The following UNC5C variants were observed in gnomAD, a reference collection of about 807,000 sequenced individuals.
UNC5C encodes the protein netrin receptor UNC5C.
UNC5C carries 47 observed loss-of-function variants against 99.8 expected under a neutral mutation model. The ratio of observed to expected loss-of-function variants is 0.47; its 90% CI spans 0.37 to 0.60. The LOEUF is 0.60. UNC5C is among the 20% of genes least tolerant of loss of function. The pLI is 0.00. For missense variants in UNC5C, 1,062 were observed against 1,165.9 expected (o/e 0.91, Z 1.30); for synonymous variants, 487 against 452.2 (o/e 1.08, Z -0.98).
intron 1 of UNC5C, among the ~76,000 whole-genome samples, chr4:95,357,113 A>G (rs1193630195): frequency 6.9e-6 from 1 of 145,482 alleles, no homozygotes; most frequent in Non-Finnish European, 1.5e-5. Context: ...TGGACTACTG[A>G]TTTCTTGTTT....
intron 14 of UNC5C, among the ~76,000 whole-genome samples, chr4:95,173,149 A>G (rs1284356559): frequency 8.5e-4 from 129 of 151,478 alleles, no homozygotes; most frequent in African/African-American, 2.7e-3. Context: ...GACTGAGACG[A>G]TGGGGTTTTC....
chr4:95,285,187 A>AT (rs891486730), intron 3 of UNC5C, among the ~76,000 whole-genome samples: 3 of 152,176 alleles, frequency 2.0e-5, no homozygotes, highest in Non-Finnish European at 4.4e-5. Context: ...AGAATAAAAT[A>AT]TTTTTTTCTA....
At chr4:95,389,832 G>T (rs1314999185) in intron 1 of UNC5C, among the ~76,000 whole-genome samples, 1 of 151,822 alleles carries the variant, frequency 6.6e-6, no homozygotes, top group East Asian at 1.9e-4. Flanking sequence ...AAAAATATTA[G>T]TTACATGTTG....
rs72659988 is a variant in UNC5C, at chr4:95,445,944, G to A, written c.124+102790C>T. 2.1e-3 allele frequency among the ~76,000 whole-genome samples: 297 copies of A among 144,448 alleles called. 5 individuals carry two copies. The highest frequency in any genetic ancestry group is 8.5e-4 in the Non-Finnish European group (57 of 66,688). 94.8% of individuals were successfully genotyped at this position (144,448 alleles called of 152,430 possible). A position where few individuals can be genotyped will look rare whatever the true frequency, so the allele number is the denominator to read the frequency against. On this transcript the variant is annotated intron_variant, in intron 1 of 15. Coordinates refer to ENST00000453304, the MANE Select transcript of UNC5C (RefSeq NM_003728.4). Reference sequence around the variant, plus strand: ...ACTTACTAAGAATATCACGTTTCTGGAAGATAACAAAGAGCCTGCAAAAAA... The same window carrying A: ...ACTTACTAAGAATATCACGTTTCTGAAAGATAACAAAGAGCCTGCAAAAAA...
chr4:95,222,143 A>G, intron 7 of UNC5C: 1 of 1,180,188 alleles, frequency 8.5e-7, no homozygotes, highest in Non-Finnish European at 1.2e-6. Context: ...AAGAAAGGTA[A>G]ACTTGAACTA....
In UNC5C at chr4:95,202,899, G is replaced by A. The variant is rs749587753; in HGVS notation, c.1968C>T (p.Ala656=). 5 of 1,614,222 alleles carry A rather than the reference G, an allele frequency of 3.1e-6. No individual in the cohort carries two copies. Among genetic ancestry groups the A allele is most frequent in the Non-Finnish European group, 4.2e-6 (5 of 1,180,044 alleles). ...TPCYIQLDAE[A]CHILTENLST... is the part of the protein sequence containing the mutation. ...TGAGGTTCTCTGTGAGGATGTGGCAGGCCTCTGCATCCAGCTGAATGTAGC... is the reference window on the plus strand; with the variant it reads ...TGAGGTTCTCTGTGAGGATGTGGCAAGCCTCTGCATCCAGCTGAATGTAGC... Residue 656 remains alanine, a synonymous_variant, in exon 12 of 16, where the codon GCC becomes GCT. Coordinates refer to ENST00000453304, the MANE Select transcript of UNC5C (RefSeq NM_003728.4).
At chr4:95,367,661 C>T (rs1164841721) in intron 1 of UNC5C, among the ~76,000 whole-genome samples, 1 of 151,912 alleles carries the variant, frequency 6.6e-6, no homozygotes, top group Admixed American at 6.6e-5. Flanking sequence ...ATTATGTTAC[C>T]TTGATGATAA....
intron 1 of UNC5C, among the ~76,000 whole-genome samples, chr4:95,522,871 C>T (rs2149490799): frequency 6.6e-6 from 1 of 151,756 alleles, no homozygotes; most frequent in East Asian, 1.9e-4. Context: ...ACTCCAAGAT[C>T]TGTGGTTTCT....
intron 12 of UNC5C, 59 bp from the exon 13 acceptor site, chr4:95,185,255 T>G: frequency 2.0e-6 from 3 of 1,530,350 alleles, no homozygotes; most frequent in Non-Finnish European, 2.6e-6. Context: ...TTCTGTCAGC[T>G]CTCTCATTGA....
chr4:95,180,963 T>C (rs180916825), intron 14 of UNC5C, among the ~76,000 whole-genome samples: 14 of 152,260 alleles, frequency 9.2e-5, no homozygotes, highest in African/African-American at 3.1e-4. Flanking sequence ...GTCCCATAAC[T>C]CTACAGAGTC....
chr4:95,229,420 C>T (rs1738817975), intron 7 of UNC5C, among the ~76,000 whole-genome samples: 1 of 152,148 alleles, frequency 6.6e-6, no homozygotes. Flanking sequence ...ATGATGGTTT[C>T]CGGCTTCATT....
At chr4:95,242,319 C>A in intron 7 of UNC5C, 110 bp downstream of exon 7, 2 of 1,423,996 alleles carry the variant, frequency 1.4e-6, no homozygotes, top group Non-Finnish European at 1.9e-6. Context: ...TATGTTATTG[C>A]ATTTTATTGT....
intron 1 of UNC5C, among the ~76,000 whole-genome samples, chr4:95,465,609 C>T (rs1272671804): frequency 6.6e-6 from 1 of 151,934 alleles, no homozygotes; most frequent in African/African-American, 2.4e-5. Flanking sequence ...GTAGATTTGC[C>T]CATCATTTTG....
intron 1 of UNC5C, among the ~76,000 whole-genome samples, chr4:95,475,360 C>T (rs1048961249): frequency 1.3e-5 from 2 of 151,800 alleles, no homozygotes; most frequent in African/African-American, 4.8e-5. Flanking sequence ...ATTGAAGTTG[C>T]TTCAATTTCC....
At chr4:95,239,372 G>T (rs1018729086) in intron 7 of UNC5C, among the ~76,000 whole-genome samples, 1 of 152,012 alleles carries the variant, frequency 6.6e-6, no homozygotes, top group African/African-American at 2.4e-5. Context: ...TCCCTTGGCT[G>T]GTGGGCAAAA....
chr4:95,505,920 C>T (rs1335197071), intron 1 of UNC5C, among the ~76,000 whole-genome samples: 1 of 151,990 alleles, frequency 6.6e-6, no homozygotes, highest in Non-Finnish European at 1.5e-5. Flanking sequence ...GAATACAAGA[C>T]TGAACTCATT....
chr4:95,234,913 TAATG>T (rs1032040349), intron 7 of UNC5C, among the ~76,000 whole-genome samples: 2 of 152,180 alleles, frequency 1.3e-5, no homozygotes, highest in African/African-American at 4.8e-5. Flanking sequence ...CAATATCACA[TAATG>T]AATCCAAGTT....
At position 95,219,771 on chromosome 4, in the gene UNC5C, CAG is replaced by C. The variant is rs377470093; in HGVS notation, c.1300+212_1300+213del. Among the ~76,000 whole-genome samples the C allele has an allele frequency of 1.1e-4, 16 of 152,240 alleles. 1 individual carries two copies. The South Asian group carries it at 3.1e-3, about 30-fold the overall frequency. On this transcript the variant is annotated intron_variant, in intron 8 of 15. Coordinates refer to ENST00000453304, the MANE Select transcript of UNC5C (RefSeq NM_003728.4). ...TTTTCGATTAGAAGTTAAAAAGTGA[CAG>C]AGCAATCTGTCAGAAAAGAAAAAAA...
chr4:95,421,680 GA>G (rs1287554237), intron 1 of UNC5C, among the ~76,000 whole-genome samples: 3 of 150,826 alleles, frequency 2.0e-5, no homozygotes, highest in Admixed American at 2.0e-4. Context: ...ATCAGATTAT[GA>G]AATATAATCA....
Sources: gnomAD v4.1 joint callset for allele counts (sites outside exome capture counted in the v4.1 genomes callset) on GRCh38, gnomAD v4.1.1 for gene constraint, MANE v1.5 for transcripts, NCBI Gene and HGNC (gene_info 2026-07-23, HGNC 2026-07-21) for gene names.